Variants in KCNH1 observed in about 807,000 individuals in gnomAD.
KCNH1 encodes voltage-gated delayed rectifier potassium channel KCNH1.
A neutral mutation model predicts 69.2 loss-of-function variants in KCNH1; 27 were observed. That is an observed-to-expected ratio of 0.39 (90% confidence interval 0.29 to 0.54). The LOEUF (loss-of-function observed/expected upper bound fraction) is 0.54. Ranked by LOEUF, KCNH1 falls within the 20% of genes least tolerant of loss-of-function variation. The probability of loss-of-function intolerance (pLI) is 0.68; values close to 1 mark genes in which losing one functional copy is unlikely to be tolerated. For synonymous variants in KCNH1, 456 were observed against 487.7 expected (o/e 0.93, Z 0.86); for missense variants, 798 against 1,261.6 (o/e 0.63, Z 5.57).
chr1:210,945,433 TC>T (rs1205246369), intron 6 of KCNH1, among the ~76,000 whole-genome samples: 1 of 152,200 alleles, frequency 6.6e-6, no homozygotes, highest in Non-Finnish European at 1.5e-5. Context: ...TAAGTAACTT[TC>T]CCAAGATTAT....
intron 7 of KCNH1, among the ~76,000 whole-genome samples, chr1:210,818,280 T>C (rs185362654): frequency 1.8e-4 from 27 of 152,320 alleles, no homozygotes; most frequent in Admixed American, 4.6e-4. Context: ...TCCAGCCTAA[T>C]AGTGATGTCC....
intron 5 of KCNH1, among the ~76,000 whole-genome samples, chr1:211,032,785 A>G (rs1176364490): frequency 2.6e-5 from 4 of 152,184 alleles, no homozygotes; most frequent in East Asian, 1.9e-4. Context: ...AGACTTAAAT[A>G]TTAGACCTAA....
chr1:210,975,729 C>T (rs1688595216), intron 6 of KCNH1, among the ~76,000 whole-genome samples: 1 of 152,118 alleles, frequency 6.6e-6, no homozygotes, highest in Non-Finnish European at 1.5e-5. Context: ...GCAATGGCAA[C>T]AAAAGCCAAA....
intron 3 of KCNH1, among the ~76,000 whole-genome samples, chr1:211,099,692 A>G (rs1381555605): frequency 2.6e-5 from 4 of 152,182 alleles, no homozygotes; most frequent in Non-Finnish European, 5.9e-5. Flanking sequence ...ATCACTCAGC[A>G]AACATTCACC....
intron 10 of KCNH1, among the ~76,000 whole-genome samples, chr1:210,724,617 C>T (rs2149028270): frequency 6.6e-6 from 1 of 152,298 alleles, no homozygotes; most frequent in African/African-American, 2.4e-5. Flanking sequence ...CAGCAGAAGG[C>T]ATGGGCTTTG....
chr1:210,797,702 T>C lies in KCNH1; in HGVS notation c.1721A>G (p.Lys574Arg). The C allele has an allele frequency of 1.9e-6, 3 of 1,614,208 alleles. No individual in the cohort carries two copies. Among genetic ancestry groups the C allele is most frequent in the Non-Finnish European group, 2.5e-6 (3 of 1,180,026 alleles). Residue 574 changes from lysine to arginine, a missense_variant, in exon 9 of 11, where the codon AAG becomes AGG. By Grantham distance (26) the Lys-to-Arg change is conservative. This residue lies in a region of KCNH1 where 197 missense variants were observed against 407.7 expected (regional missense o/e 0.48). Transcript: ENST00000271751. ...GAAGGCCGGGTGCTCCTTGAACACC[T>C]TGCGGTTCAGGTGCACGCAGATGTC... Reference protein sequence around the residue: ...RADICVHLNRKVFKEHPAFRL... With the variant: ...RADICVHLNRRVFKEHPAFRL...
chr1:210,683,567 C>A lies in KCNH1; in HGVS notation c.2684G>T (p.Gly895Val). The A allele has an allele frequency of 6.2e-7, 1 of 1,614,184 alleles. No individual in the cohort carries two copies. The highest frequency in any genetic ancestry group is 8.5e-7 in the Non-Finnish European group (1 of 1,180,030). ...CCGATCCTGGGGACTCCTGGCCTCA[C>A]CCACGTTGTCCAGGCGCAAGTCGCT... ...TKSDLRLDNV[G>V]EARSPQDRSP... The change falls in exon 11 of 11, where the codon GGT (glycine) becomes GTT (valine). Residue 895 changes from glycine (G) to valine (V), a missense_variant. Gly to Val is a moderately radical substitution (Grantham distance 109, BLOSUM62 -3). Around this residue, in one of 4 missense-constraint regions of KCNH1, gnomAD observed 331 missense variants for 363.2 expected, o/e 0.91. Coordinates refer to ENST00000271751, the MANE Select transcript of KCNH1 (RefSeq NM_172362.3). The surrounding 1 kb of genome is among the most constrained non-coding windows in gnomAD (Gnocchi z 5.7).
chr1:210,753,801 C>T (rs1046816912), intron 10 of KCNH1, among the ~76,000 whole-genome samples: 5 of 152,122 alleles, frequency 3.3e-5, no homozygotes, highest in African/African-American at 9.7e-5. Context: ...GCCAGGGGCC[C>T]GAGTGGGGGC....
chr1:210,782,141 G>A (rs915025062), intron 9 of KCNH1, among the ~76,000 whole-genome samples: 3 of 152,122 alleles, frequency 2.0e-5, no homozygotes, highest in East Asian at 1.9e-4. Context: ...AACACCCATC[G>A]TAATTGGAAC....
chr1:211,055,916 C>A (rs1690295443), intron 5 of KCNH1, among the ~76,000 whole-genome samples: 1 of 152,208 alleles, frequency 6.6e-6, no homozygotes, highest in South Asian at 2.1e-4. Flanking sequence ...GAATGGTAAC[C>A]AGGCAGTGCT....
At chr1:211,021,381 G>A (rs1689584146) in intron 5 of KCNH1, among the ~76,000 whole-genome samples, 2 of 152,080 alleles carry the variant, frequency 1.3e-5, no homozygotes, top group Non-Finnish European at 2.9e-5. Context: ...ATAGGAAAAT[G>A]TTGACAGCCT....
intron 10 of KCNH1, among the ~76,000 whole-genome samples, chr1:210,715,674 T>G (rs976115363): frequency 1.2e-4 from 18 of 152,186 alleles, no homozygotes; most frequent in Non-Finnish European, 2.4e-4. Flanking sequence ...GTTGCTATGA[T>G]TTTTCAGGGC....
intron 7 of KCNH1, among the ~76,000 whole-genome samples, chr1:210,887,754 G>A (rs557175668): frequency 7.0e-6 from 1 of 143,298 alleles, no homozygotes; most frequent in African/African-American, 2.6e-5. Flanking sequence ...AGCAGGGGTG[G>A]CAATGCTAGT....
intron 7 of KCNH1, among the ~76,000 whole-genome samples, chr1:210,915,329 T>C (rs890189014): frequency 1.3e-5 from 2 of 152,156 alleles, no homozygotes; most frequent in Admixed American, 1.3e-4. Context: ...CCTCAGCACT[T>C]AGCCTGGCAT....
At chr1:210,998,107 A>G (rs938990286) in intron 6 of KCNH1, among the ~76,000 whole-genome samples, 9 of 152,226 alleles carry the variant, frequency 5.9e-5, no homozygotes, top group African/African-American at 2.2e-4. Flanking sequence ...GCATCAACTA[A>G]TGAGCAAAAT....
chr1:210,824,959 T>C (rs1249507875), intron 7 of KCNH1, among the ~76,000 whole-genome samples: 1 of 152,218 alleles, frequency 6.6e-6, no homozygotes, highest in African/African-American at 2.4e-5. Context: ...ATCACATTTA[T>C]TAAAATCACC....
intron 7 of KCNH1, among the ~76,000 whole-genome samples, chr1:210,909,430 C>T (rs1157710031): frequency 6.6e-6 from 1 of 152,204 alleles, no homozygotes; most frequent in Admixed American, 6.5e-5. Flanking sequence ...ATGGCATTAA[C>T]ATCAACTAGC....
At chr1:210,706,827 C>T (rs1478683463) in intron 10 of KCNH1, among the ~76,000 whole-genome samples, 3 of 152,340 alleles carry the variant, frequency 2.0e-5, no homozygotes, top group Non-Finnish European at 2.9e-5. Context: ...AACTAAGGCT[C>T]AAGGATATAT....
intron 10 of KCNH1, among the ~76,000 whole-genome samples, chr1:210,704,526 C>A (rs1035153555): frequency 2.0e-5 from 3 of 152,138 alleles, no homozygotes; most frequent in Non-Finnish European, 4.4e-5. Flanking sequence ...ATTAGCAATA[C>A]GAAAATTGAC....
Sources: gnomAD v4.1 joint callset for allele counts (sites outside exome capture counted in the v4.1 genomes callset) on GRCh38, gnomAD v4.1.1 for gene constraint, gnomAD v4.1.1 regional missense constraint, Gnocchi (gnomAD v3.1) non-coding constraint, MANE v1.5 for transcripts, NCBI Gene and HGNC (gene_info 2026-07-23, HGNC 2026-07-21) for gene names.